The following ZER1 variants were observed in gnomAD, a reference collection of about 807,000 sequenced individuals.
The protein encoded by ZER1 is protein zer-1 homolog.
A neutral mutation model predicts 78.8 loss-of-function variants in ZER1; 11 were observed. That is an observed-to-expected ratio of 0.14 (90% CI 0.09 to 0.23). The LOEUF (loss-of-function observed/expected upper bound fraction) is 0.23. Ranked by LOEUF, ZER1 falls within the 10% of genes least tolerant of loss-of-function variation. The pLI, the probability that ZER1 is intolerant of heterozygous loss-of-function variation, is 1.00. For synonymous variants in ZER1, 400 were observed against 407.0 expected, an observed-to-expected ratio of 0.98 and a Z score of 0.21; for missense variants, 588 against 996.9, an observed-to-expected ratio of 0.59 and a Z score of 5.52.
rs1371125485 is a variant in ZER1 at position 128,730,221 on chromosome 9, GAGAGCCGGCGCCTCTC to G, written c.*1100_*1115del. The G allele has an allele frequency of 6.5e-6, 1 of 153,076 alleles. No homozygotes were observed. The highest frequency in any genetic ancestry group is 1.5e-5 in the Non-Finnish European group (1 of 68,406). 9.5% of individuals were successfully genotyped at this position (153,076 alleles called of 1,614,324 possible). ...GCAGTGTCCATCGATGGAGGAGCAA[GAGAGCCGGCGCCTCTC>G]AGGCTTCCAAGGTAAAGCCTAGGGC... On this transcript the variant is annotated 3_prime_UTR_variant, in exon 16 of 16. Coordinates refer to ENST00000291900, the MANE Select transcript of ZER1 (RefSeq NM_006336.4).
rs867521035 is a variant in ZER1 at position 128,753,955 on chromosome 9, C to A, written c.163G>T (p.Val55Leu). The change falls in exon 3 of 16, where the codon GTG (valine) becomes TTG (leucine). Residue 55 changes from valine to leucine, a missense_variant. This residue lies in a region of ZER1 where 406 missense variants were observed against 660.1 expected (regional missense o/e 0.62). Transcript: ENST00000291900. This position sits in a 1 kb window ranked among gnomAD's most constrained non-coding sequence, Gnocchi z 7.5. ...EICDRLVNEY[V>L]ELVNAACNFE... Reference sequence around the variant, plus strand: ...TTACAGGCAGCGTTCACCAGCTCCACATACCTGGGAGAGAAAAAAGCCTGG... The same window carrying A: ...TTACAGGCAGCGTTCACCAGCTCCAAATACCTGGGAGAGAAAAAAGCCTGG... The A allele has an allele frequency of 6.3e-7, 1 of 1,584,898 alleles. No individual in the cohort carries two copies. The highest frequency in any genetic ancestry group is 2.3e-5 in the East Asian group (1 of 42,846).
chr9:128,758,401 C>T (rs1017060694), intron 1 of ZER1, among the ~76,000 whole-genome samples: 3 of 151,600 alleles, frequency 2.0e-5, no homozygotes, highest in Non-Finnish European at 2.9e-5. Context: ...GCTGGGATTA[C>T]AGGTGTGAGC....
intron 7 of ZER1, 124 bp downstream of exon 7, chr9:128,750,998 C>A: frequency 7.0e-7 from 1 of 1,436,312 alleles, no homozygotes; most frequent in African/African-American, 1.4e-5. Flanking sequence ...GGCTGGGGTT[C>A]GGGTCCTGGG....
At chr9:128,771,118 G>A (rs1259572401) in intron 1 of ZER1, among the ~76,000 whole-genome samples, 1 of 152,228 alleles carries the variant, frequency 6.6e-6, no homozygotes, top group Non-Finnish European at 1.5e-5. Flanking sequence ...CACCCAGAGA[G>A]CTATAGTGGC....
At chr9:128,772,052 G>C (rs1302607313), upstream of ZER1, 1 of 152,320 alleles carries the variant, frequency 6.6e-6, no homozygotes, top group Non-Finnish European at 1.5e-5. Flanking sequence ...CCTTTCCCCG[G>C]GCCCGGCACG....
intron 1 of ZER1, among the ~76,000 whole-genome samples, chr9:128,770,501 C>T (rs1403707078): frequency 6.6e-6 from 1 of 152,174 alleles, no homozygotes; most frequent in Non-Finnish European, 1.5e-5. Context: ...AGAGAACTAC[C>T]TGGCTTGCTC....
chr9:128,766,844 T>TAAAA (rs1864224922), intron 1 of ZER1, among the ~76,000 whole-genome samples: 1 of 14,492 alleles, frequency 6.9e-5, no homozygotes, highest in Non-Finnish European at 1.6e-4. Flanking sequence ...AGATTCCGTC[T>TAAAA]CAAAAAAAAA....
At chr9:128,771,483 C>T (rs1266808495) in intron 1 of ZER1, 98 bp downstream of exon 1, 3 of 152,428 alleles carry the variant, frequency 2.0e-5, no homozygotes, top group Admixed American at 6.5e-5. Context: ...GGAGATGGAC[C>T]TCAGAGAGTG....
intron 1 of ZER1, among the ~76,000 whole-genome samples, chr9:128,771,092 C>T (rs1236005673): frequency 1.3e-5 from 2 of 152,238 alleles, no homozygotes; most frequent in East Asian, 3.8e-4. Flanking sequence ...GGTCAAAGAG[C>T]AGCCAAGACA....
At chr9:128,750,021 C>T (rs554764445) in intron 8 of ZER1, among the ~76,000 whole-genome samples, 1 of 152,216 alleles carries the variant, frequency 6.6e-6, no homozygotes, top group East Asian at 1.9e-4. Context: ...CCAGCCTGGG[C>T]AATAAGAGTG....
chr9:128,755,785 C>T lies in ZER1; in HGVS notation c.-94-126G>A, dbSNP rs1028545754. The T allele has an allele frequency of 5.1e-6, 3 of 590,772 alleles. No individual in the cohort carries two copies. Among genetic ancestry groups the T allele is most frequent in the African/African-American group, 3.7e-5 (2 of 54,066 alleles). 36.6% of individuals were successfully genotyped at this position (590,772 alleles called of 1,614,324 possible). On this transcript the variant is annotated intron_variant, in intron 1 of 15. Transcript: ENST00000291900. The surrounding 1 kb of genome is among the most constrained non-coding windows in gnomAD (Gnocchi z 5.6). ...AATTAGCAGCTTAGCAGGGCCAGGC[C>T]CAGGTCTCCTGACTCCTTCTTTCAC...
At chr9:128,733,985 A>G (rs12552176) in intron 14 of ZER1, among the ~76,000 whole-genome samples, 116,562 of 119,746 alleles carry the variant, frequency 0.97, 56,722 homozygotes, top group Middle Eastern at 0.99. Flanking sequence ...AAAATTAGCC[A>G]GGCATGGTGG....
At position 128,742,554 on chromosome 9, in the gene ZER1, G is replaced by A. The variant is rs1564396110; in HGVS notation, c.1551C>T (p.Ala517=). 10 of 1,614,046 alleles carry A rather than the reference G, an allele frequency of 6.2e-6. No individual in the cohort carries two copies. The highest frequency in any genetic ancestry group is 1.1e-5 in the South Asian group (1 of 91,082). The part of the protein sequence containing the change: ...VCQVDNDHKE[A]VGKMGFVVTM... ...CCACGACAAAGCCCATCTTGCCCAC[G>A]GCCTCCTTGTGGTCGTTGTCTACCT... The change falls in exon 9 of 16, where the codon GCC becomes GCT. Residue 517 remains alanine (A), a synonymous_variant. Coordinates refer to ENST00000291900, the MANE Select transcript of ZER1 (RefSeq NM_006336.4).
At chr9:128,746,827 G>A (rs1863508875) in intron 8 of ZER1, among the ~76,000 whole-genome samples, 1 of 151,796 alleles carries the variant, frequency 6.6e-6, no homozygotes, top group South Asian at 2.1e-4. Flanking sequence ...GTAGAGACCG[G>A]GTTTCACCAT....
intron 8 of ZER1, among the ~76,000 whole-genome samples, chr9:128,744,218 C>T (rs912069178): frequency 2.7e-5 from 4 of 150,840 alleles, no homozygotes; most frequent in Non-Finnish European, 5.9e-5. Context: ...GATGGAGTCT[C>T]GCTCTGTTGC....
chr9:128,731,308 A>G lies in ZER1; in HGVS notation c.*29T>C. 1 of 1,610,348 alleles carries G rather than the reference A, an allele frequency of 6.2e-7. No homozygotes were observed. Among genetic ancestry groups the G allele is most frequent in the South Asian group, 1.1e-5 (1 of 90,714 alleles). On this transcript the variant is annotated 3_prime_UTR_variant, in exon 16 of 16. Transcript: ENST00000291900. ...TGCTTCCTCCCCGCCTGTGGTCCAGAGCGGTGGCGGCCATGGGGACGGAGG... is the reference window on the plus strand; with the variant it reads ...TGCTTCCTCCCCGCCTGTGGTCCAGGGCGGTGGCGGCCATGGGGACGGAGG...
intron 1 of ZER1, among the ~76,000 whole-genome samples, chr9:128,768,732 G>T (rs1021021342): frequency 2.6e-5 from 4 of 152,114 alleles, no homozygotes; most frequent in Admixed American, 6.6e-5. Context: ...ATCAACTGTG[G>T]TTCTGCTTCC....
intron 8 of ZER1, among the ~76,000 whole-genome samples, chr9:128,747,014 C>T (rs935404321): frequency 6.6e-5 from 10 of 151,996 alleles, no homozygotes; most frequent in African/African-American, 2.4e-4. Context: ...GCCTGGCCAA[C>T]ATGGTGAAAT....
Position 128,753,966 on chromosome 9 carries a change from G to T in ZER1, c.159-7C>A. The T allele has an allele frequency of 1.3e-6, 2 of 1,580,184 alleles. No individual in the cohort carries two copies. Among genetic ancestry groups the T allele is most frequent in the East Asian group, 2.4e-5 (1 of 42,482 alleles). ...GTTCACCAGCTCCACATACCTGGGA[G>T]AGAAAAAAGCCTGGCTCAGGAGAGG... On this transcript the variant is annotated splice_region_variant and splice_polypyrimidine_tract_variant and intron_variant, in intron 2 of 15. Transcript: ENST00000291900. This position sits in a 1 kb window ranked among gnomAD's most constrained non-coding sequence, Gnocchi z 7.5.
Sources: allele counts gnomAD v4.1 joint callset (sites outside exome capture counted in the v4.1 genomes callset), GRCh38; gene constraint gnomAD v4.1.1; regional missense constraint gnomAD v4.1.1; non-coding constraint Gnocchi (gnomAD v3.1); transcripts MANE v1.5; gene names NCBI Gene and HGNC (gene_info 2026-07-23, HGNC 2026-07-21).